PKD1L1: variants seen among roughly 807,000 people sequenced by gnomAD.
The protein encoded by PKD1L1 is polycystin 1 like 1, transient receptor potential channel interacting.
Under a neutral mutation model 323.4 loss-of-function variants are expected in PKD1L1, and 236 were observed. The ratio of observed to expected loss-of-function variants is 0.73; its 90% CI spans 0.66 to 0.81. The LOEUF (loss-of-function observed/expected upper bound fraction) is 0.81, where lower values mean the gene tolerates loss of function less well. Ranked by LOEUF, PKD1L1 falls within the 40% of genes least tolerant of loss-of-function variation. PKD1L1 has a pLI of 0.00. For missense variants in PKD1L1, 3,320 were observed against 3,508.0 expected (o/e 0.95, Z 1.35); for synonymous variants, 1,344 against 1,335.0 (o/e 1.01, Z -0.15).
intron 54 of PKD1L1, 61 bp from the exon 55 acceptor site, chr7:47,796,211 T>C: frequency 7.3e-7 from 1 of 1,365,480 alleles, no homozygotes; most frequent in Non-Finnish European, 1.0e-6. Flanking sequence ...AAGAGCTTTG[T>C]TAACGTGATA....
intron 46 of PKD1L1, chr7:47,818,121 C>T: frequency 7.3e-7 from 1 of 1,367,756 alleles, no homozygotes; most frequent in Non-Finnish European, 9.8e-7. Context: ...CCAGAGCACC[C>T]AGAGGGTGGA....
chr7:47,790,209 CA>C (rs1190176214), intron 56 of PKD1L1, among the ~76,000 whole-genome samples: 1 of 151,754 alleles, frequency 6.6e-6, no homozygotes, highest in African/African-American at 2.4e-5. Flanking sequence ...TTATTTTTTA[CA>C]AAATTGGTCA....
Position 47,813,985 on chromosome 7 carries a change from T to C in PKD1L1, c.7119A>G (p.Leu2373=). 5.0e-6 allele frequency: 8 copies of C among 1,614,056 alleles called. No homozygotes were observed. The highest frequency in any genetic ancestry group is 6.8e-6 in the Non-Finnish European group (8 of 1,180,014). ...QPGALGGKCY[L]IGSSVIRQLK... is the part of the protein sequence containing the mutation. ...GCTGCCTAATTACGGAACTGCCTATTAGGTAGCATTTTCCTCCAAGAGCTC... is the reference window on the plus strand; with the variant it reads ...GCTGCCTAATTACGGAACTGCCTATCAGGTAGCATTTTCCTCCAAGAGCTC... Residue 2373 remains leucine (L), a synonymous_variant, in exon 48 of 57, where the codon CTA becomes CTG. Coordinates refer to ENST00000289672, the MANE Select transcript of PKD1L1 (RefSeq NM_138295.5).
At chr7:47,959,263 GCGTCTCTGCCTGGCCGCCC>G in the PKD1L1 span, among the ~76,000 whole-genome samples, 2 of 151,938 alleles carry the variant, frequency 1.3e-5, no homozygotes, top group Non-Finnish European at 2.9e-5. Flanking sequence ...GAAGTGAGGA[GCGTCTCTGCCTGGCCGCCC>G]ATCGTCTGGG....
intron 7 of PKD1L1, among the ~76,000 whole-genome samples, chr7:47,922,716 AGCCGCCCCGTCCG>A (rs1244264909): frequency 5.2e-4 from 70 of 135,904 alleles, no homozygotes; most frequent in African/African-American, 2.5e-3. Context: ...TCCGCCCGGC[AGCCGCCCCGTCCG>A]GCCAGCCGCC....
intron 4 of PKD1L1, among the ~76,000 whole-genome samples, chr7:47,935,064 T>G (rs1297350719): frequency 1.3e-5 from 2 of 152,200 alleles, no homozygotes; most frequent in Non-Finnish European, 2.9e-5. Context: ...TTGCCAGGCC[T>G]CAGCAGAGAG....
chr7:47,924,671 C>A (rs1562992660), intron 7 of PKD1L1, among the ~76,000 whole-genome samples: 1 of 152,248 alleles, frequency 6.6e-6, no homozygotes, highest in East Asian at 1.9e-4. Context: ...CCTTTGCCTC[C>A]AAGTATAATG....
chr7:47,826,350 G>T (rs537928655), intron 45 of PKD1L1, among the ~76,000 whole-genome samples: 1 of 152,154 alleles, frequency 6.6e-6, no homozygotes, highest in East Asian at 1.9e-4. Context: ...CTATTTTTAT[G>T]AGGAGGTTTG....
At chr7:47,893,791 A>C in intron 15 of PKD1L1, 87 bp downstream of exon 15, 1 of 1,373,800 alleles carries the variant, frequency 7.3e-7, no homozygotes, top group Non-Finnish European at 9.9e-7. Flanking sequence ...ATTTAAAACT[A>C]TTAATAGCCT....
chr7:47,939,460 AT>A (rs1203091903), intron 3 of PKD1L1, among the ~76,000 whole-genome samples: 11 of 152,122 alleles, frequency 7.2e-5, no homozygotes, highest in Non-Finnish European at 7.4e-5. Context: ...ACCAATGCTT[AT>A]TCTGGGTGAA....
chr7:47,820,200 C>G (rs1785110600), intron 46 of PKD1L1, among the ~76,000 whole-genome samples: 1 of 152,222 alleles, frequency 6.6e-6, no homozygotes, highest in African/African-American at 2.4e-5. Context: ...TTAAATGCAC[C>G]TGTTGATGAC....
chr7:47,856,833 A>C (rs1785914358), intron 28 of PKD1L1, among the ~76,000 whole-genome samples: 1 of 152,216 alleles, frequency 6.6e-6, no homozygotes, highest in African/African-American at 2.4e-5. Context: ...AGATGTACCT[A>C]ATTTGTCCAT....
intron 56 of PKD1L1, among the ~76,000 whole-genome samples, chr7:47,782,340 A>G (rs1204180218): frequency 1.3e-5 from 2 of 152,146 alleles, no homozygotes; most frequent in African/African-American, 4.8e-5. Context: ...AAAAAAAACC[A>G]CAGTAACTTA....
At chr7:47,871,811 TA>T (rs1184758193) in intron 24 of PKD1L1, among the ~76,000 whole-genome samples, 2 of 152,174 alleles carry the variant, frequency 1.3e-5, no homozygotes, top group Non-Finnish European at 2.9e-5. Flanking sequence ...GACCTCTAGC[TA>T]ATATTAATAT....
intron 4 of PKD1L1, among the ~76,000 whole-genome samples, chr7:47,934,459 C>T (rs1787829056): frequency 1.3e-5 from 2 of 152,200 alleles, no homozygotes; most frequent in South Asian, 4.1e-4. Flanking sequence ...CCCAGAGGGA[C>T]ATCTGAAGTC....
intron 1 of PKD1L1, among the ~76,000 whole-genome samples, chr7:47,943,918 G>C (rs1476758264): frequency 1.3e-5 from 2 of 152,198 alleles, no homozygotes. Context: ...ACAGCCCTAA[G>C]AGCACATTCT....
At chr7:47,899,813 A>G (rs1382432968) in intron 13 of PKD1L1, among the ~76,000 whole-genome samples, 8 of 152,072 alleles carry the variant, frequency 5.3e-5, no homozygotes, top group Non-Finnish European at 7.4e-5. Context: ...AAAATTAGCC[A>G]GGTGTGGTGG....
At chr7:47,937,305 G>T (rs1458551742) in intron 3 of PKD1L1, among the ~76,000 whole-genome samples, 1 of 151,110 alleles carries the variant, frequency 6.6e-6, no homozygotes, top group Admixed American at 6.6e-5. Context: ...GTCAGAGAAG[G>T]CCGCTGTGTG....
chr7:47,912,599 T>A (rs1787343469), intron 8 of PKD1L1, among the ~76,000 whole-genome samples: 1 of 151,870 alleles, frequency 6.6e-6, no homozygotes, highest in Admixed American at 6.6e-5. Context: ...GTGGATCGCT[T>A]GAGGTCAGGA....
Sources: allele counts gnomAD v4.1 joint callset (sites outside exome capture counted in the v4.1 genomes callset), GRCh38; gene constraint gnomAD v4.1.1; transcripts MANE v1.5; gene names NCBI Gene and HGNC (gene_info 2026-07-23, HGNC 2026-07-21).